The following UNC13C variants were observed in gnomAD, a reference collection of about 807,000 sequenced individuals.
The protein encoded by UNC13C is protein unc-13 homolog C.
UNC13C carries 174 observed loss-of-function variants against 245.4 expected under a neutral mutation model. The observed-to-expected ratio is 0.71, with a 90% CI of 0.63 to 0.80. The LOEUF is 0.80. Ranked by LOEUF, UNC13C falls within the 30% of genes least tolerant of loss-of-function variation. The pLI is 0.00. For missense variants in UNC13C, 2,829 were observed against 2,602.9 expected (o/e 1.09, Z -1.89); for synonymous variants, 992 against 895.1 (o/e 1.11, Z -1.93).
chr15:54,023,567 AG>A (rs1398549549), intron 2 of UNC13C, among the ~76,000 whole-genome samples: 1 of 152,226 alleles, frequency 6.6e-6, no homozygotes, highest in Non-Finnish European at 1.5e-5. Context: ...CAATAAGATT[AG>A]TTTTTGAGAA....
intron 30 of UNC13C, among the ~76,000 whole-genome samples, chr15:54,586,245 G>A (rs1898484931): frequency 6.6e-6 from 1 of 152,142 alleles, no homozygotes; most frequent in Non-Finnish European, 1.5e-5. Context: ...CTTTTAACAT[G>A]GAGAACATAT....
At position 54,293,896 on chromosome 15, in the gene UNC13C, G is replaced by A; in HGVS notation, c.3820G>A (p.Glu1274Lys). The change falls in exon 11 of 33, where the codon GAG becomes AAG. Residue 1274 changes from glutamate to lysine, a missense_variant and splice_region_variant. Coordinates refer to ENST00000260323, the MANE Select transcript of UNC13C (RefSeq NM_001080534.3). ...TAACTTATCCACATTTATTTTCAGT[G>A]AGTGTCATAACTCCACAGATCGAAT... ...NPVWDEKFYF[E>K]CHNSTDRIKV... The A allele has an allele frequency of 1.3e-6, 2 of 1,537,190 alleles. No individual in the cohort carries two copies. Among genetic ancestry groups the A allele is most frequent in the Non-Finnish European group, 1.7e-6 (2 of 1,147,378 alleles).
chr15:53,906,069 C>T, the UNC13C span, among the ~76,000 whole-genome samples: 13 of 152,106 alleles, frequency 8.5e-5, no homozygotes, highest in African/African-American at 2.9e-4. Flanking sequence ...CACAGTGGCT[C>T]ACATCTGTAA....
intron 18 of UNC13C, among the ~76,000 whole-genome samples, chr15:54,407,751 A>G (rs2040326940): frequency 6.6e-6 from 1 of 152,142 alleles, no homozygotes; most frequent in African/African-American, 2.4e-5. Flanking sequence ...AGATCTTGAG[A>G]TTTAAATTTA....
chr15:53,897,040 C>G, the UNC13C span, among the ~76,000 whole-genome samples: 1 of 145,632 alleles, frequency 6.9e-6, no homozygotes, highest in Non-Finnish European at 1.5e-5. Flanking sequence ...CAGAGTCCAG[C>G]CTCCTCATTT....
Position 54,112,953 on chromosome 15 carries a change from A to C in UNC13C, c.2984-30065A>C, listed in dbSNP as rs559229560. Among the ~76,000 whole-genome samples the C allele has an allele frequency of 2.0e-5, 3 of 152,350 alleles. No homozygotes were observed. The East Asian group carries it at 5.8e-4, about 29-fold the overall frequency. On this transcript the variant is annotated intron_variant, in intron 2 of 32. Transcript: ENST00000260323. ...GATCAAACATTATCTTGCATGTAAT[A>C]GTAGGTGAAACCAGAGTATGAAGCA...
At chr15:54,051,078 T>A (rs1897250334) in intron 2 of UNC13C, among the ~76,000 whole-genome samples, 1 of 152,342 alleles carries the variant, frequency 6.6e-6, no homozygotes, top group Non-Finnish European at 1.5e-5. Context: ...ATTTTTATAC[T>A]CTTTTATTGT....
chr15:54,077,128 T>C (rs972873965), intron 2 of UNC13C, among the ~76,000 whole-genome samples: 2 of 152,104 alleles, frequency 1.3e-5, no homozygotes, highest in African/African-American at 4.8e-5. Context: ...AGTCTCTTTC[T>C]TCCCTGTATT....
At chr15:54,183,133 G>A (rs1386937459) in intron 4 of UNC13C, among the ~76,000 whole-genome samples, 2 of 151,744 alleles carry the variant, frequency 1.3e-5, no homozygotes, top group South Asian at 4.2e-4. Context: ...AGGTGAAATA[G>A]GGGGACAAAA....
intron 4 of UNC13C, among the ~76,000 whole-genome samples, chr15:54,183,901 C>A (rs907001146): frequency 2.0e-5 from 3 of 151,784 alleles, no homozygotes; most frequent in African/African-American, 4.8e-5. Flanking sequence ...CACAAAAGAC[C>A]AGACACATTA....
chr15:54,417,203 G>A (rs1596346206), intron 19 of UNC13C: 1 of 321,898 alleles, frequency 3.1e-6, no homozygotes, highest in East Asian at 9.0e-5. Flanking sequence ...GAAAATAGAA[G>A]CTACTCAATA....
At chr15:54,330,534 T>C (rs7183373) in intron 14 of UNC13C, among the ~76,000 whole-genome samples, 26 of 152,064 alleles carry the variant, frequency 1.7e-4, no homozygotes, top group African/African-American at 5.8e-4. Flanking sequence ...ACTTCAACTG[T>C]CTTGATGGTT....
intron 8 of UNC13C, among the ~76,000 whole-genome samples, chr15:54,259,072 G>C (rs1177603730): frequency 2.6e-5 from 4 of 152,234 alleles, no homozygotes; most frequent in Non-Finnish European, 2.9e-5. Flanking sequence ...AGTAGAAGGG[G>C]CAAGTGAGCT....
At chr15:54,251,076 C>G (rs906307138) in intron 8 of UNC13C, among the ~76,000 whole-genome samples, 1 of 152,092 alleles carries the variant, frequency 6.6e-6, no homozygotes, top group Non-Finnish European at 1.5e-5. Context: ...TTTTCTTACT[C>G]ATACATCATA....
chr15:54,273,841 A>C (rs2036757834), intron 10 of UNC13C, among the ~76,000 whole-genome samples: 1 of 152,308 alleles, frequency 6.6e-6, no homozygotes, highest in South Asian at 2.1e-4. Flanking sequence ...TTGAAAGCAG[A>C]AAAAGATCAA....
chr15:54,513,803 A>T (rs975229610), intron 24 of UNC13C, among the ~76,000 whole-genome samples: 4 of 151,716 alleles, frequency 2.6e-5, no homozygotes, highest in Non-Finnish European at 5.9e-5. Flanking sequence ...TTTTCTAAAT[A>T]TTTTTTTTCA....
chr15:53,967,642 A>G, the UNC13C span, among the ~76,000 whole-genome samples: 157 of 152,272 alleles, frequency 1.0e-3, 1 homozygote, highest in Middle Eastern at 0.024. Flanking sequence ...TCTAGTTTCA[A>G]GAGATGTTTC....
At chr15:54,366,725 A>AT (rs1023143277) in intron 17 of UNC13C, among the ~76,000 whole-genome samples, 6 of 152,042 alleles carry the variant, frequency 3.9e-5, no homozygotes, top group Non-Finnish European at 7.4e-5. Context: ...GCTCTCAGTG[A>AT]TTTTTTTTAT....
At chr15:54,488,005 C>G (rs929282577) in intron 19 of UNC13C, among the ~76,000 whole-genome samples, 4 of 151,722 alleles carry the variant, frequency 2.6e-5, no homozygotes, top group Non-Finnish European at 4.4e-5. Context: ...TTGATGATTT[C>G]TTGCCTCCAA....
Sources: gnomAD v4.1 joint callset for allele counts (sites outside exome capture counted in the v4.1 genomes callset) on GRCh38, gnomAD v4.1.1 for gene constraint, MANE v1.5 for transcripts, NCBI Gene and HGNC (gene_info 2026-07-23, HGNC 2026-07-21) for gene names.